The following BSDC1 variants were observed in gnomAD, a reference collection of about 807,000 sequenced individuals.
BSDC1 encodes BSD domain containing 1, also known as BSD domain-containing protein 1.
In BSDC1, 29 loss-of-function variants were observed where a neutral mutation model predicts 56.0. The ratio of observed to expected loss-of-function variants is 0.52; its 90% CI spans 0.39 to 0.71. The LOEUF is 0.71. BSDC1 is among the 30% of genes least tolerant of loss of function. The pLI, the probability that BSDC1 is intolerant of heterozygous loss-of-function variation, is 0.00. For missense variants in BSDC1, 477 were observed against 548.5 expected (o/e 0.87, Z 1.30); for synonymous variants, 210 against 215.3 (o/e 0.98, Z 0.21).
chr1:32,381,289 G>A (rs1204784582), intron 4 of BSDC1, 21 bp from the exon 5 acceptor site: 1 of 1,612,134 alleles, frequency 6.2e-7, no homozygotes, highest in Non-Finnish European at 8.5e-7. Flanking sequence ...AGGAGAAGAG[G>A]AAAACAGAAA....
intron 2 of BSDC1, among the ~76,000 whole-genome samples, chr1:32,392,126 G>A (rs1261016431): frequency 6.6e-6 from 1 of 152,176 alleles, no homozygotes; most frequent in African/African-American, 2.4e-5. Context: ...GAGGTCAGGA[G>A]TTTGAGACCA....
chr1:32,392,098 G>C (rs1026914779), intron 2 of BSDC1, among the ~76,000 whole-genome samples: 1 of 152,176 alleles, frequency 6.6e-6, no homozygotes, highest in Non-Finnish European at 1.5e-5. Flanking sequence ...TTGGGAGGCC[G>C]AGGCAGGCGG....
intron 1 of BSDC1, 62 bp from the exon 2 acceptor site, chr1:32,394,202 G>A: frequency 6.3e-7 from 1 of 1,582,792 alleles, no homozygotes; most frequent in Non-Finnish European, 8.6e-7. Context: ...CAAGGATCCG[G>A]TTTGTTCCCC....
At chr1:32,377,193 C>T (rs1048118844) in intron 8 of BSDC1, among the ~76,000 whole-genome samples, 12 of 152,062 alleles carry the variant, frequency 7.9e-5, no homozygotes, top group African/African-American at 2.7e-4. Flanking sequence ...GCCATCACAA[C>T]GCTTCTGCAG....
rs144272092 is a variant in BSDC1, at chr1:32,369,366, G to C, written c.1157-816C>G. On this transcript the variant is annotated intron_variant, in intron 9 of 10. Transcript: ENST00000455895. ...AGAAAAAAATTTAAAAATTAGCCAG[G>C]CATGGTAGTACACACCTAAGGAGTC... The C allele has an allele frequency of 1.2e-5, 14 of 1,191,170 alleles. No homozygotes were observed. In the East Asian group the frequency reaches 5.7e-4, roughly 49 times the overall value. 73.8% of individuals were successfully genotyped at this position (1,191,170 alleles called of 1,614,324 possible). A position where few individuals can be genotyped will look rare whatever the true frequency, so the allele number is the denominator to read the frequency against.
At chr1:32,373,123 G>C (rs1642155762) in intron 9 of BSDC1, among the ~76,000 whole-genome samples, 1 of 152,198 alleles carries the variant, frequency 6.6e-6, no homozygotes, top group African/African-American at 2.4e-5. Context: ...CAGGAAAAAG[G>C]AGTCACTTTG....
rs964529750 is a variant in BSDC1 at position 32,365,353 on chromosome 1, C to T, written c.*1269G>A. The T allele has an allele frequency of 6.6e-6, 1 of 151,486 alleles. No homozygotes were observed. The highest frequency in any genetic ancestry group is 1.5e-5 in the Non-Finnish European group (1 of 67,798). The allele number at this position is 151,486 out of a possible 1,614,324, so 9.4% of individuals were successfully genotyped here. On this transcript the variant is annotated 3_prime_UTR_variant, in exon 11 of 11. Coordinates refer to ENST00000455895, the MANE Select transcript of BSDC1 (RefSeq NM_018045.8). ...AAGAAATAATTACAAAGAGAAAAAC[C>T]CCATCCCGTCAAAAAAAAGATTCAG...
intron 2 of BSDC1, among the ~76,000 whole-genome samples, chr1:32,390,621 C>A (rs1464789646): frequency 6.6e-6 from 1 of 152,156 alleles, no homozygotes; most frequent in Non-Finnish European, 1.5e-5. Context: ...TCCTCAAACA[C>A]TAAAGCTGGC....
chr1:32,388,541 G>A (rs1642749340), intron 2 of BSDC1, among the ~76,000 whole-genome samples: 1 of 152,094 alleles, frequency 6.6e-6, no homozygotes, highest in Non-Finnish European at 1.5e-5. Context: ...GACACCCAGT[G>A]GGTGCTTTGT....
At chr1:32,373,905 C>T (rs1176596980) in intron 9 of BSDC1, among the ~76,000 whole-genome samples, 1 of 152,198 alleles carries the variant, frequency 6.6e-6, no homozygotes, top group Non-Finnish European at 1.5e-5. Flanking sequence ...TCTGTTCCTG[C>T]ACCTGAGCAA....
intron 2 of BSDC1, among the ~76,000 whole-genome samples, chr1:32,388,943 T>C (rs886139313): frequency 3.3e-5 from 5 of 151,822 alleles, no homozygotes; most frequent in Non-Finnish European, 7.4e-5. Flanking sequence ...GCTTTATCTC[T>C]TCTTCTTTTT....
intron 10 of BSDC1, chr1:32,367,845 T>C (rs760872572): frequency 2.0e-6 from 2 of 978,212 alleles, no homozygotes; most frequent in Admixed American, 5.2e-5. Context: ...TTACAGCTTA[T>C]AGCCAGGTCT....
rs906119854 is a variant in BSDC1, at chr1:32,366,409, C to G, written c.*213G>C. ...CCCTTGGGTCATCCTATTGTTGGCACAAGTCAGAGTTTCTGGCCGGGATTT... is the reference window on the plus strand; with the variant it reads ...CCCTTGGGTCATCCTATTGTTGGCAGAAGTCAGAGTTTCTGGCCGGGATTT... On this transcript the variant is annotated 3_prime_UTR_variant, in exon 11 of 11. Transcript: ENST00000455895. 2.8e-6 allele frequency: 2 copies of G among 703,598 alleles called. No individual in the cohort carries two copies. Among genetic ancestry groups the G allele is most frequent in the African/African-American group, 3.5e-5 (2 of 57,230 alleles). 43.6% of individuals were successfully genotyped at this position (703,598 alleles called of 1,614,324 possible). A position where few individuals can be genotyped will look rare whatever the true frequency, so the allele number is the denominator to read the frequency against.
chr1:32,394,292 A>G (rs1642976051), intron 1 of BSDC1, 112 bp downstream of exon 1: 1 of 1,585,620 alleles, frequency 6.3e-7, no homozygotes, highest in Non-Finnish European at 8.7e-7. Flanking sequence ...CTGCCCTTTC[A>G]GATCAGTCCA....
At chr1:32,372,997 C>G (rs1474257305) in intron 9 of BSDC1, among the ~76,000 whole-genome samples, 1 of 152,208 alleles carries the variant, frequency 6.6e-6, no homozygotes, top group Admixed American at 6.5e-5. Context: ...TGGAAAGCAG[C>G]TCTGCGATGA....
chr1:32,368,599 G>A (rs753578458), intron 9 of BSDC1, 49 bp from the exon 10 acceptor site: 7 of 1,611,294 alleles, frequency 4.3e-6, no homozygotes, highest in Non-Finnish European at 5.9e-6. Context: ...CAGGGAAGGG[G>A]CACCTGAAGA....
intron 4 of BSDC1, 49 bp from the exon 5 acceptor site, chr1:32,381,317 T>C: frequency 1.9e-6 from 3 of 1,554,046 alleles, no homozygotes; most frequent in South Asian, 2.3e-5. Flanking sequence ...ATACTGGGCA[T>C]AGAAAGCACC....
rs1358908175 is a variant in BSDC1 at position 32,378,839 on chromosome 1, C to T, written c.413G>A (p.Gly138Glu). The change falls in exon 6 of 11, where the codon GGG (glycine) becomes GAG (glutamate). Residue 138 changes from glycine (G) to glutamate (E), a missense_variant and splice_region_variant. Physicochemically the swap from Gly to Glu is moderately conservative, Grantham distance 98. Coordinates refer to ENST00000455895, the MANE Select transcript of BSDC1 (RefSeq NM_018045.8). The surrounding 1 kb of genome is among the most constrained non-coding windows in gnomAD (Gnocchi z 5.2). ...DPATYCNEPD[G>E]PPELFDAWLS... ...CCAGGCGTCAAACAATTCCGGGGGC[C>T]CTGCAGAGGGACAGATGCTGACGGT... 1 of 1,503,862 alleles carries T rather than the reference C, an allele frequency of 6.6e-7. No homozygotes were observed. Among genetic ancestry groups the T allele is most frequent in the African/African-American group, 1.4e-5 (1 of 70,818 alleles). 93.2% of individuals were successfully genotyped at this position (1,503,862 alleles called of 1,614,324 possible). A position where few individuals can be genotyped will look rare whatever the true frequency, so the allele number is the denominator to read the frequency against.
intron 1 of BSDC1, 61 bp downstream of exon 1, chr1:32,394,343 C>G (rs1269885602): frequency 5.6e-6 from 9 of 1,613,740 alleles, no homozygotes; most frequent in Admixed American, 1.7e-5. Context: ...GACTCTCGCC[C>G]AGCACCCCAA....
Sources: allele counts gnomAD v4.1 joint callset (sites outside exome capture counted in the v4.1 genomes callset), GRCh38; gene constraint gnomAD v4.1.1; non-coding constraint Gnocchi (gnomAD v3.1); transcripts MANE v1.5; gene names NCBI Gene and HGNC (gene_info 2026-07-23, HGNC 2026-07-21).